The following GLP2R variants were observed in gnomAD, a reference collection of about 807,000 sequenced individuals.
GLP2R encodes glucagon like peptide 2 receptor.
GLP2R carries 59 observed loss-of-function variants against 68.2 expected under a neutral mutation model. That is an observed-to-expected ratio of 0.87 (90% CI 0.70 to 1.07). The LOEUF (loss-of-function observed/expected upper bound fraction) is 1.07. Among genes scored for constraint, GLP2R ranks in the 50% least tolerant of loss-of-function variants. The probability of loss-of-function intolerance (pLI) is 0.00; values close to 1 mark genes in which losing one functional copy is unlikely to be tolerated. For missense variants in GLP2R, 548 were observed against 677.4 expected (o/e 0.81, Z 2.12); for synonymous variants, 270 against 265.4 (o/e 1.02, Z -0.17).
intron 1 of GLP2R, among the ~76,000 whole-genome samples, chr17:9,831,900 G>A (rs1364360107): frequency 6.6e-6 from 1 of 152,172 alleles, no homozygotes; most frequent in East Asian, 1.9e-4. Flanking sequence ...CTGGTTTCAG[G>A]TTTCTAATGG....
chr17:9,838,310 T>A (rs2066752575), intron 3 of GLP2R, among the ~76,000 whole-genome samples: 1 of 152,176 alleles, frequency 6.6e-6, no homozygotes, highest in African/African-American at 2.4e-5. Flanking sequence ...GGAGAGTTGC[T>A]AATTCTGAAG....
At chr17:9,852,581 G>T (rs2066901239) in intron 4 of GLP2R, among the ~76,000 whole-genome samples, 1 of 152,038 alleles carries the variant, frequency 6.6e-6, no homozygotes, top group East Asian at 1.9e-4. Context: ...CAAAAGAAAA[G>T]AATTACAAAG....
In GLP2R at chr17:9,860,074, T is replaced by C. The variant is rs888492974; in HGVS notation, c.898T>C (p.Trp300Arg). ...EPTVLPERRL[W>R]PRYLLLGWAF... ...CACAGTGCTTCCTGAGAGGCGGCTG[T>C]GGCCCAGATACCTGCTGTTGGGTTG... is the stretch of plus-strand genomic sequence containing the variant. The change falls in exon 7 of 13, where the codon TGG becomes CGG. Residue 300 changes from tryptophan (W) to arginine (R), a missense_variant. Trp to Arg is a moderately radical substitution (Grantham distance 101). Transcript: ENST00000262441. The C allele has an allele frequency of 1.4e-5, 23 of 1,610,520 alleles. No homozygotes were observed. Among genetic ancestry groups the C allele is most frequent in the Non-Finnish European group, 2.0e-5 (23 of 1,178,172 alleles).
Position 9,880,460 on chromosome 17 carries a change from G to A in GLP2R, c.1228G>A (p.Glu410Lys). 1.2e-6 allele frequency: 2 copies of A among 1,604,114 alleles called. No homozygotes were observed. Among genetic ancestry groups the A allele is most frequent in the Non-Finnish European group, 1.7e-6 (2 of 1,172,606 alleles). ...LFSFITDDQV[E>K]GFAKLIRLFI... ...CTCTTTCATCACTGATGATCAAGTT[G>A]AAGGATTTGCAAAACTTATACGACT... is the stretch of plus-strand genomic sequence containing the variant. The change falls in exon 11 of 13, where the codon GAA becomes AAA. Residue 410 changes from glutamate to lysine, a missense_variant. Transcript: ENST00000262441.
At chr17:9,857,274 T>A (rs1484965858) in intron 5 of GLP2R, 149 bp from the exon 6 acceptor site, 3 of 685,898 alleles carry the variant, frequency 4.4e-6, no homozygotes, top group Non-Finnish European at 7.4e-6. Context: ...GCACAGAGAT[T>A]TACGGTCACA....
chr17:9,878,057 G>C (rs951260363), intron 10 of GLP2R, among the ~76,000 whole-genome samples: 7 of 152,160 alleles, frequency 4.6e-5, no homozygotes, highest in African/African-American at 1.7e-4. Flanking sequence ...TCTGCTTGTA[G>C]GCATATAAGT....
chr17:9,891,810 A>C lies in GLP2R; in HGVS notation c.*2105A>C, dbSNP rs1029053663. The C allele has an allele frequency of 9.9e-5, 15 of 152,124 alleles. No homozygotes were observed. The highest frequency in any genetic ancestry group is 2.1e-4 in the Non-Finnish European group (14 of 68,030). The allele number at this position is 152,124 out of a possible 1,614,324, so 9.4% of individuals were successfully genotyped here. ...ATGTCCCTGCCTCGGCTCATCAGCC[A>C]ATTAGCTCCTAGAAAGCTGGGGTCA... On this transcript the variant is annotated 3_prime_UTR_variant, in exon 13 of 13. Coordinates refer to ENST00000262441, the MANE Select transcript of GLP2R (RefSeq NM_004246.3).
At chr17:9,885,740 T>TA (rs55859601) in intron 11 of GLP2R, among the ~76,000 whole-genome samples, 2 of 151,124 alleles carry the variant, frequency 1.3e-5, no homozygotes, top group Admixed American at 1.3e-4. Context: ...ATTGTATCAG[T>TA]AAAAAAAGGA....
At position 9,836,384 on chromosome 17, in the gene GLP2R, C is replaced by A. The variant is rs76930951; in HGVS notation, c.291C>A (p.Asn97Lys). 1 of 1,605,960 alleles carries A rather than the reference C, an allele frequency of 6.2e-7. No homozygotes were observed. The highest frequency in any genetic ancestry group is 8.5e-7 in the Non-Finnish European group (1 of 1,172,722). ...TTCTCTCTGTAGGCATATTTTGTAA[C>A]GGGACATTTGATCAGTACGTGTGTT... Reference protein sequence around the residue: ...LLKEPSGIFCNGTFDQYVCWP... With the variant: ...LLKEPSGIFCKGTFDQYVCWP... The change falls in exon 3 of 13, where the codon AAC becomes AAA. Residue 97 changes from asparagine (N) to lysine (K), a missense_variant. Coordinates refer to ENST00000262441, the MANE Select transcript of GLP2R (RefSeq NM_004246.3).
chr17:9,884,036 A>G (rs1332768828), intron 11 of GLP2R, among the ~76,000 whole-genome samples: 1 of 152,198 alleles, frequency 6.6e-6, no homozygotes, highest in African/African-American at 2.4e-5. Flanking sequence ...TATACATTGT[A>G]TTTTTGGGCT....
In GLP2R at chr17:9,880,482, G is replaced by A. The variant is rs564939715; in HGVS notation, c.1250G>A (p.Arg417Gln). 8 of 1,605,578 alleles carry A rather than the reference G, an allele frequency of 5.0e-6. No individual in the cohort carries two copies. The highest frequency in any genetic ancestry group is 1.7e-5 in the Admixed American group (1 of 59,318). Reference sequence around the variant, plus strand: ...GTTGAAGGATTTGCAAAACTTATACGACTTTTCATTCAGTTGACACTGAGC... The same window carrying A: ...GTTGAAGGATTTGCAAAACTTATACAACTTTTCATTCAGTTGACACTGAGC... ...DQVEGFAKLIRLFIQLTLSSF... is the reference protein window; with the variant it reads ...DQVEGFAKLIQLFIQLTLSSF... The change falls in exon 11 of 13, where the codon CGA becomes CAA. Residue 417 changes from arginine (R) to glutamine (Q), a missense_variant. By Grantham distance (43) the Arg-to-Gln change is conservative. Coordinates refer to ENST00000262441, the MANE Select transcript of GLP2R (RefSeq NM_004246.3).
Position 9,857,567 on chromosome 17 carries a change from C to T in GLP2R, c.756C>T (p.Tyr252=). 6.2e-7 allele frequency: 1 copy of T among 1,614,124 alleles called. No individual in the cohort carries two copies. The highest frequency in any genetic ancestry group is 8.5e-7 in the Non-Finnish European group (1 of 1,179,970). Reference sequence around the variant, plus strand: ...ACAATGAGAATGGGTGGATGTCCTACCTGTCAGAGGTAATCCCCTTCCCCA... The same window carrying T: ...ACAATGAGAATGGGTGGATGTCCTATCTGTCAGAGGTAATCCCCTTCCCCA... The part of the protein sequence containing the change: ...RPDNENGWMS[Y]LSEMSTSCRS... The change falls in exon 6 of 13, where the codon TAC becomes TAT. Residue 252 remains tyrosine, a synonymous_variant. Coordinates refer to ENST00000262441, the MANE Select transcript of GLP2R (RefSeq NM_004246.3).
intron 3 of GLP2R, among the ~76,000 whole-genome samples, chr17:9,841,017 A>ATT (rs2066781126): frequency 1.4e-5 from 1 of 72,158 alleles, no homozygotes; most frequent in Non-Finnish European, 2.8e-5. Context: ...TGGTGTGGCT[A>ATT]ATTTTTTTTT....
At position 9,826,046 on chromosome 17, in the gene GLP2R, T is replaced by C. The variant is rs767070514; in HGVS notation, c.-18T>C. 2.5e-6 allele frequency: 4 copies of C among 1,604,648 alleles called. No homozygotes were observed. The highest frequency in any genetic ancestry group is 3.4e-6 in the Non-Finnish European group (4 of 1,176,550). On this transcript the variant is annotated 5_prime_UTR_variant, in exon 1 of 13. An upstream open reading frame in the 5' UTR loses its in-frame stop. Coordinates refer to ENST00000262441, the MANE Select transcript of GLP2R (RefSeq NM_004246.3). ...GGCTAGAGAGATGTACCCCTACTTG[T>C]GAAGGTGCACGAGGAAGATGAAGCT... is the stretch of plus-strand genomic sequence containing the variant.
At chr17:9,864,805 G>A (rs2067019894) in intron 9 of GLP2R, among the ~76,000 whole-genome samples, 1 of 152,142 alleles carries the variant, frequency 6.6e-6, no homozygotes, top group Admixed American at 6.5e-5. Context: ...TTTCAGGCAT[G>A]AGCCACCGTG....
chr17:9,861,900 C>CT, intron 8 of GLP2R, 121 bp from the exon 9 acceptor site: 1 of 750,984 alleles, frequency 1.3e-6, no homozygotes, highest in South Asian at 1.5e-5. Context: ...CCTCAGGGGA[C>CT]TGATTGGTGG....
intron 6 of GLP2R, among the ~76,000 whole-genome samples, chr17:9,859,033 C>CT (rs949774243): frequency 7.9e-5 from 12 of 151,806 alleles, no homozygotes; most frequent in African/African-American, 2.9e-4. Flanking sequence ...CTTTTTCTAA[C>CT]TTTTTTTTAC....
intron 11 of GLP2R, among the ~76,000 whole-genome samples, chr17:9,885,394 T>C (rs1567740279): frequency 6.6e-6 from 1 of 152,026 alleles, no homozygotes; most frequent in African/African-American, 2.4e-5. Context: ...ACTGGGCTGC[T>C]TGGGCTCAGG....
chr17:9,857,208 C>A (rs180956304), intron 5 of GLP2R, among the ~76,000 whole-genome samples: 1 of 152,134 alleles, frequency 6.6e-6, no homozygotes, highest in Non-Finnish European at 1.5e-5. Context: ...TGTGAGCCAC[C>A]GCGCCTGGCC....
Sources: allele counts gnomAD v4.1 joint callset (sites outside exome capture counted in the v4.1 genomes callset), GRCh38; gene constraint gnomAD v4.1.1; transcripts MANE v1.5; gene names NCBI Gene and HGNC (gene_info 2026-07-23, HGNC 2026-07-21).